TUSC3: variants seen among roughly 807,000 people sequenced by gnomAD.
The protein encoded by TUSC3 is dolichyl-diphosphooligosaccharide--protein glycosyltransferase subunit TUSC3.
A neutral mutation model predicts 44.8 loss-of-function variants in TUSC3; 45 were observed. The ratio of observed to expected loss-of-function variants is 1.00; its 90% CI spans 0.79 to 1.29. TUSC3 has a LOEUF of 1.29. Ranked by LOEUF, TUSC3 falls within the 50% of genes most tolerant of loss-of-function variation. The probability of loss-of-function intolerance (pLI) is 0.00; values close to 1 mark genes in which losing one functional copy is unlikely to be tolerated. For missense variants in TUSC3, 519 were observed against 437.9 expected (o/e 1.19, Z -1.65); for synonymous variants, 212 against 152.9 (o/e 1.39, Z -2.85).
chr8:15,789,635 GAT>G, the TUSC3 span, among the ~76,000 whole-genome samples: 249 of 150,312 alleles, frequency 1.7e-3, no homozygotes, highest in Middle Eastern at 3.4e-3. Flanking sequence ...TGTGTATGCA[GAT>G]ATATATATAT....
At chr8:15,460,932 C>G (rs936210647) in intron 1 of TUSC3, among the ~76,000 whole-genome samples, 1 of 152,136 alleles carries the variant, frequency 6.6e-6, no homozygotes, top group Admixed American at 6.6e-5. Flanking sequence ...TGAGTATGGC[C>G]TTATAGTATA....
chr8:15,632,585 GT>G (rs1211830882), intron 2 of TUSC3, among the ~76,000 whole-genome samples: 1 of 152,130 alleles, frequency 6.6e-6, no homozygotes, highest in African/African-American at 2.4e-5. Context: ...CTGTTTCTCA[GT>G]AATTTTTTAC....
chr8:15,797,071 C>T, the TUSC3 span, among the ~76,000 whole-genome samples: 1 of 152,322 alleles, frequency 6.6e-6, no homozygotes, highest in Non-Finnish European at 1.5e-5. Context: ...AGGACAAGTC[C>T]AGACCCTAAT....
At chr8:15,647,810 A>G (rs575080274) in intron 2 of TUSC3, among the ~76,000 whole-genome samples, 1 of 152,320 alleles carries the variant, frequency 6.6e-6, no homozygotes, top group South Asian at 2.1e-4. Context: ...TAAATAGAAA[A>G]TAATATTCTG....
intron 2 of TUSC3, among the ~76,000 whole-genome samples, chr8:15,643,343 C>T (rs1806471211): frequency 1.3e-5 from 2 of 151,708 alleles, no homozygotes; most frequent in South Asian, 4.2e-4. Flanking sequence ...TAAATGATTT[C>T]CTTACTACAT....
chr8:15,501,751 C>A (rs1184798315), intron 2 of TUSC3, among the ~76,000 whole-genome samples: 1 of 152,180 alleles, frequency 6.6e-6, no homozygotes, highest in East Asian at 1.9e-4. Flanking sequence ...TTACTGAGTG[C>A]TTAATGTATA....
chr8:15,489,086 G>C (rs1800772664), intron 2 of TUSC3, among the ~76,000 whole-genome samples: 1 of 152,248 alleles, frequency 6.6e-6, no homozygotes, highest in African/African-American at 2.4e-5. Flanking sequence ...AGTCTCAAGA[G>C]GTCCTGAAAA....
intron 1 of TUSC3, among the ~76,000 whole-genome samples, chr8:15,610,240 C>A (rs1048525348): frequency 6.6e-6 from 1 of 151,982 alleles, no homozygotes; most frequent in Non-Finnish European, 1.5e-5. Flanking sequence ...TTCATTGATC[C>A]GATTTTGTTA....
chr8:15,638,385 C>T (rs1163112553), intron 2 of TUSC3, among the ~76,000 whole-genome samples: 1 of 151,498 alleles, frequency 6.6e-6, no homozygotes, highest in Non-Finnish European at 1.5e-5. Context: ...TTTTGGAGTT[C>T]TTTGTTGGTT....
chr8:15,787,003 G>A, the TUSC3 span, among the ~76,000 whole-genome samples: 1 of 150,780 alleles, frequency 6.6e-6, no homozygotes, highest in African/African-American at 2.4e-5. Flanking sequence ...AAGGTAGTAG[G>A]GAAGTCATGA....
chr8:15,662,023 C>A, intron 4 of TUSC3, 133 bp from the exon 5 acceptor site: 1 of 928,114 alleles, frequency 1.1e-6, no homozygotes, highest in Non-Finnish European at 1.7e-6. Context: ...GAAAGTAGTG[C>A]TAGTGTCACG....
intron 1 of TUSC3, among the ~76,000 whole-genome samples, chr8:15,426,550 T>C (rs1018388941): frequency 6.6e-6 from 1 of 152,252 alleles, no homozygotes; most frequent in African/African-American, 2.4e-5. Flanking sequence ...TCCAGGTTCA[T>C]ACACCTTGTC....
intron 1 of TUSC3, among the ~76,000 whole-genome samples, chr8:15,472,014 T>C (rs1800500422): frequency 6.7e-6 from 1 of 149,484 alleles, no homozygotes; most frequent in Non-Finnish European, 1.5e-5. Flanking sequence ...ATGATTAAAA[T>C]AGGCTAAACT....
At chr8:15,500,484 A>G (rs1302800463) in intron 2 of TUSC3, among the ~76,000 whole-genome samples, 2 of 152,190 alleles carry the variant, frequency 1.3e-5, no homozygotes, top group African/African-American at 2.4e-5. Flanking sequence ...TAGATCATTG[A>G]GAACTAGTCA....
Position 15,547,825 on chromosome 8 carries a change from G to A in TUSC3, c.138+7257G>A, listed in dbSNP as rs75063522. ...CATTATGGGTACTTGAGTTCTCATG[G>A]TAACATGAAGGGGAAAGAAAATTTA... On this transcript the variant is annotated intron_variant, in intron 1 of 10. Transcript: ENST00000503731. Among the ~76,000 whole-genome samples, 103 of 151,600 alleles carry A rather than the reference G, an allele frequency of 6.8e-4. 6 individuals are homozygous for A. The East Asian group carries it at 0.019, about 28-fold the overall frequency.
At chr8:15,425,587 G>C (rs543006049) in intron 1 of TUSC3, among the ~76,000 whole-genome samples, 1 of 152,368 alleles carries the variant, frequency 6.6e-6, no homozygotes, top group African/African-American at 2.4e-5. Flanking sequence ...GGAAACAGAA[G>C]TTTGTATGTA....
intron 1 of TUSC3, among the ~76,000 whole-genome samples, chr8:15,589,214 A>T (rs997491481): frequency 2.2e-4 from 34 of 152,288 alleles, no homozygotes; most frequent in African/African-American, 7.7e-4. Flanking sequence ...TACAGGTGAC[A>T]CAAGTTTTTT....
intron 3 of TUSC3, among the ~76,000 whole-genome samples, chr8:15,656,916 T>G (rs1270893465): frequency 6.6e-6 from 1 of 152,152 alleles, no homozygotes; most frequent in Non-Finnish European, 1.5e-5. Flanking sequence ...GCTTGCACCC[T>G]CCAGAGTAGT....
chr8:15,462,056 A>G (rs1010992413), intron 1 of TUSC3, among the ~76,000 whole-genome samples: 1 of 152,062 alleles, frequency 6.6e-6, no homozygotes, highest in Non-Finnish European at 1.5e-5. Flanking sequence ...ATTCTGTGAA[A>G]TATCAATCAT....
Sources: allele counts gnomAD v4.1 joint callset (sites outside exome capture counted in the v4.1 genomes callset), GRCh38; gene constraint gnomAD v4.1.1; transcripts MANE v1.5; gene names NCBI Gene and HGNC (gene_info 2026-07-23, HGNC 2026-07-21).